The following DIAPH1 variants were observed in gnomAD, a reference collection of about 807,000 sequenced individuals.
The protein encoded by DIAPH1 is protein diaphanous homolog 1.
In DIAPH1, 46 loss-of-function variants were observed where a neutral mutation model predicts 140.7. The ratio of observed to expected loss-of-function variants is 0.33; its 90% CI spans 0.26 to 0.42. The LOEUF (loss-of-function observed/expected upper bound fraction) is 0.42. DIAPH1 is among the 10% of genes least tolerant of loss of function. The probability of loss-of-function intolerance (pLI) is 1.00; values close to 1 mark genes in which losing one functional copy is unlikely to be tolerated. For missense variants in DIAPH1, 1,310 were observed against 1,558.7 expected (o/e 0.84, Z 2.69); for synonymous variants, 565 against 551.6 (o/e 1.02, Z -0.34).
intron 1 of DIAPH1, among the ~76,000 whole-genome samples, chr5:141,592,833 T>A (rs562901256): frequency 1.1e-4 from 17 of 152,340 alleles, no homozygotes; most frequent in African/African-American, 1.9e-4. Flanking sequence ...TGAATTTTTT[T>A]AAAATATCCA....
intron 1 of DIAPH1, among the ~76,000 whole-genome samples, chr5:141,590,875 T>TC (rs1047780666): frequency 6.6e-6 from 1 of 152,106 alleles, no homozygotes; most frequent in Admixed American, 6.5e-5. Flanking sequence ...TTTGATTTAC[T>TC]CCAACAGCCT....
chr5:141,526,150 C>T lies in DIAPH1; in HGVS notation c.3462G>A (p.Lys1154=), dbSNP rs754920334. 3.7e-6 allele frequency: 6 copies of T among 1,614,026 alleles called. No homozygotes were observed. In the East Asian group the frequency reaches 1.3e-4, roughly 36 times the overall value. The change falls in exon 26 of 28, where the codon AAG becomes AAA. Residue 1154 remains lysine (K), a synonymous_variant. Transcript: ENST00000389054. The part of the protein sequence containing the change: ...MFLQAVKENQ[K]RRETEEKMRR... ...TCATCTTTTCTTCTGTCTCCCGCCGCTTCTGGTTCTCCTTGACTGCTTGCT... is the reference window on the plus strand; with the variant it reads ...TCATCTTTTCTTCTGTCTCCCGCCGTTTCTGGTTCTCCTTGACTGCTTGCT...
At chr5:141,598,849 T>C (rs2099899719) in intron 1 of DIAPH1, among the ~76,000 whole-genome samples, 3 of 152,226 alleles carry the variant, frequency 2.0e-5, no homozygotes, top group African/African-American at 7.2e-5. Context: ...GGATTTGTTC[T>C]TGCAGTGGTG....
chr5:141,610,281 A>G (rs9324854), intron 1 of DIAPH1, among the ~76,000 whole-genome samples: 74,669 of 151,582 alleles, frequency 0.49, 18,726 homozygotes, highest in South Asian at 0.59. Flanking sequence ...ACAGGCACCC[A>G]CCACCACACC....
At chr5:141,601,751 AACAGTAT>A (rs1342404213) in intron 1 of DIAPH1, among the ~76,000 whole-genome samples, 1 of 152,228 alleles carries the variant, frequency 6.6e-6, no homozygotes. Context: ...CATCATCCGA[AACAGTAT>A]ATTTATTCTT....
chr5:141,528,866 T>C lies in DIAPH1; in HGVS notation c.2854A>G (p.Asn952Asp). Residue 952 changes from asparagine (N) to aspartate (D), a missense_variant, in exon 22 of 28, where the codon AAT becomes GAT. This residue lies in a region of DIAPH1 where 344 missense variants were observed against 512.2 expected (regional missense o/e 0.67). Coordinates refer to ENST00000389054, the MANE Select transcript of DIAPH1 (RefSeq NM_005219.5). Reference sequence around the variant, plus strand: ...ACAGACACAATCTCTGGCTTGATATTCTCCACTTGCTCGCTGAATTGTAGC... The same window carrying C: ...ACAGACACAATCTCTGGCTTGATATCCTCCACTTGCTCGCTGAATTGTAGC... ...FKLQFSEQVE[N>D]IKPEIVSVTA... The C allele has an allele frequency of 6.2e-7, 1 of 1,614,240 alleles. No individual in the cohort carries two copies. The highest frequency in any genetic ancestry group is 1.1e-5 in the South Asian group (1 of 91,088).
At chr5:141,566,117 C>T (rs1347140709) in intron 18 of DIAPH1, among the ~76,000 whole-genome samples, 1 of 151,750 alleles carries the variant, frequency 6.6e-6, no homozygotes, top group Non-Finnish European at 1.5e-5. Context: ...GCTGGTAGGA[C>T]AAATGGATTA....
intron 27 of DIAPH1, 141 bp downstream of exon 27, chr5:141,524,002 G>C: frequency 2.6e-6 from 2 of 781,080 alleles, no homozygotes; most frequent in Non-Finnish European, 4.6e-6. Context: ...ATGGGAAGAA[G>C]AGGACTAGAT....
chr5:141,569,563 G>C (rs985471360), intron 18 of DIAPH1, among the ~76,000 whole-genome samples: 1 of 152,102 alleles, frequency 6.6e-6, no homozygotes, highest in Non-Finnish European at 1.5e-5. Flanking sequence ...AGGAGTTCAA[G>C]ACCAGCCTGC....
In DIAPH1 at chr5:141,528,735, A is replaced by G. The variant is rs2099887758; in HGVS notation, c.2985T>C (p.Gly995=). 1.2e-6 allele frequency: 2 copies of G among 1,614,114 alleles called. No individual in the cohort carries two copies. The highest frequency in any genetic ancestry group is 1.6e-4 in the Middle Eastern group (1 of 6,084). ...GGAAGCTGATATTGAAGCCAAAAGC[A>G]CCAGCATTTCTGGAGCCAGCATTCA... is the stretch of plus-strand genomic sequence containing the variant. ...NYMNAGSRNA[G]AFGFNISFLC... The change falls in exon 22 of 28, where the codon GGT becomes GGC. Residue 995 remains glycine (G), a synonymous_variant. Transcript: ENST00000389054.
At chr5:141,573,306 G>A (rs1366946025) in intron 16 of DIAPH1, among the ~76,000 whole-genome samples, 186 bp downstream of exon 16, 5 of 151,926 alleles carry the variant, frequency 3.3e-5, no homozygotes, top group African/African-American at 4.8e-5. Context: ...GTGGTGGCGC[G>A]CGCCTATAGT....
intron 1 of DIAPH1, 121 bp from the exon 2 acceptor site, chr5:141,588,371 T>A: frequency 1.3e-6 from 1 of 749,260 alleles, no homozygotes. Flanking sequence ...TCCAAGCTAC[T>A]TTCTGCAAGC....
chr5:141,594,350 G>A (rs1407487202), intron 1 of DIAPH1, among the ~76,000 whole-genome samples: 1 of 152,174 alleles, frequency 6.6e-6, no homozygotes, highest in Non-Finnish European at 1.5e-5. Flanking sequence ...TAGGTGAACA[G>A]GTAACTAAAC....
intron 18 of DIAPH1, among the ~76,000 whole-genome samples, chr5:141,552,761 A>C (rs1428564048): frequency 3.3e-5 from 5 of 152,212 alleles, no homozygotes; most frequent in South Asian, 2.1e-4. Flanking sequence ...TGGACACACA[A>C]AGAGACACAA....
At chr5:141,594,274 G>A (rs994771166) in intron 1 of DIAPH1, among the ~76,000 whole-genome samples, 1 of 152,210 alleles carries the variant, frequency 6.6e-6, no homozygotes, top group Non-Finnish European at 1.5e-5. Context: ...AAAACCTGCA[G>A]AGAAATGTTT....
At position 141,573,756 on chromosome 5, in the gene DIAPH1, A is replaced by T. The variant is rs1184461104; in HGVS notation, c.2094T>A (p.Ala698=). 1.5e-6 allele frequency: 2 copies of T among 1,291,028 alleles called. No homozygotes were observed. The highest frequency in any genetic ancestry group is 2.0e-6 in the Non-Finnish European group (2 of 985,156). The allele number at this position is 1,291,028 out of a possible 1,614,324, so 80.0% of individuals were successfully genotyped here. A position where few individuals can be genotyped will look rare whatever the true frequency, so the allele number is the denominator to read the frequency against. Residue 698 remains alanine (A), a synonymous_variant, in exon 16 of 28, where the codon GCT becomes GCA. Coordinates refer to ENST00000389054, the MANE Select transcript of DIAPH1 (RefSeq NM_005219.5). The part of the protein sequence containing the change: ...PPPPPPLPGS[A]GIPPPPPPLP... The stretch of plus-strand genomic sequence containing the variant: ...AGGGAGGAGGTGGGGGGGGAATTCC[A>T]GCACTCCCAGGCAAAGGAGGTGGTG...
intron 18 of DIAPH1, among the ~76,000 whole-genome samples, chr5:141,537,809 T>C (rs188574659): frequency 3.1e-4 from 47 of 152,236 alleles, no homozygotes; most frequent in African/African-American, 1.0e-3. Flanking sequence ...TATACGTATA[T>C]TGTAATACCT....
intron 20 of DIAPH1, 34 bp downstream of exon 20, chr5:141,529,569 G>A (rs766377835): frequency 1.4e-5 from 22 of 1,542,666 alleles, no homozygotes; most frequent in Middle Eastern, 1.7e-4. Context: ...CGACACAGAA[G>A]AGCCTGCTCC....
chr5:141,584,090 C>G, intron 4 of DIAPH1, 34 bp downstream of exon 4: 1 of 1,355,098 alleles, frequency 7.4e-7, no homozygotes, highest in Non-Finnish European at 1.1e-6. Context: ...AGGGCACAGT[C>G]TCCCATGTCA....
Sources: allele counts gnomAD v4.1 joint callset (sites outside exome capture counted in the v4.1 genomes callset), GRCh38; gene constraint gnomAD v4.1.1; regional missense constraint gnomAD v4.1.1; transcripts MANE v1.5; gene names NCBI Gene and HGNC (gene_info 2026-07-23, HGNC 2026-07-21).